The following COL12A1 variants were observed in gnomAD, a reference collection of about 807,000 sequenced individuals.
COL12A1 encodes the protein collagen type XII alpha 1 chain.
Under a neutral mutation model 349.7 loss-of-function variants are expected in COL12A1, and 114 were observed. The ratio of observed to expected loss-of-function variants is 0.33; its 90% CI spans 0.28 to 0.38. COL12A1 has a LOEUF of 0.38. Among genes scored for constraint, COL12A1 ranks in the 10% least tolerant of loss-of-function variants. The probability of loss-of-function intolerance (pLI) is 1.00; values close to 1 mark genes in which losing one functional copy is unlikely to be tolerated. For missense variants in COL12A1, 3,284 were observed against 3,756.9 expected (o/e 0.87, Z 3.29); for synonymous variants, 1,369 against 1,329.0 (o/e 1.03, Z -0.66).
chr6:75,136,692 C>T (rs1292284642), intron 31 of COL12A1, among the ~76,000 whole-genome samples: 1 of 152,140 alleles, frequency 6.6e-6, no homozygotes, highest in East Asian at 1.9e-4. Flanking sequence ...AATCAGAAAA[C>T]ATAATCATAC....
chr6:75,096,812 C>G (rs925389570), intron 59 of COL12A1, among the ~76,000 whole-genome samples: 1 of 142,112 alleles, frequency 7.0e-6, no homozygotes, highest in Non-Finnish European at 1.5e-5. Flanking sequence ...AGGAGAATGG[C>G]GTGAACCCGG....
chr6:75,130,719 G>A, intron 36 of COL12A1, 133 bp downstream of exon 36: 1 of 1,152,608 alleles, frequency 8.7e-7, no homozygotes, highest in Non-Finnish European at 1.2e-6. Context: ...TTTTCGCCTG[G>A]AATGTAAATG....
intron 37 of COL12A1, among the ~76,000 whole-genome samples, chr6:75,128,764 T>G (rs1483833053): frequency 1.3e-5 from 2 of 152,190 alleles, no homozygotes; most frequent in Non-Finnish European, 2.9e-5. Flanking sequence ...GTTTGTTTCC[T>G]TCAGATCTCA....
intron 31 of COL12A1, among the ~76,000 whole-genome samples, chr6:75,135,479 T>C (rs1766558985): frequency 6.6e-6 from 1 of 152,200 alleles, no homozygotes; most frequent in South Asian, 2.1e-4. Flanking sequence ...TTTACTCTAA[T>C]TATGGAGCTT....
rs750664708 is a variant in COL12A1 at position 75,133,339 on chromosome 6, A to T, written c.5748T>A (p.Val1916=). Reference sequence around the variant, plus strand: ...TGCGTCCCCCATCACCTTCAGTATAAACGGGAACTACAGTCACAGTGTATG... The same window carrying T: ...TGCGTCCCCCATCACCTTCAGTATATACGGGAACTACAGTCACAGTGTATG... The part of the protein sequence containing the change: ...DTSYTVTVVP[V]YTEGDGGRTS... Residue 1916 remains valine (V), a synonymous_variant, in exon 34 of 66, where the codon GTT becomes GTA. Coordinates refer to ENST00000322507, the MANE Select transcript of COL12A1 (RefSeq NM_004370.6). The T allele has an allele frequency of 1.2e-6, 2 of 1,611,896 alleles. No individual in the cohort carries two copies. Among genetic ancestry groups the T allele is most frequent in the Non-Finnish European group, 1.7e-6 (2 of 1,179,020 alleles).
chr6:75,102,556 A>T (rs781689346), intron 56 of COL12A1, 41 bp downstream of exon 56: 4 of 1,361,538 alleles, frequency 2.9e-6, no homozygotes, highest in African/African-American at 3.0e-5. Context: ...CTAAATGTTT[A>T]TCCACCACTC....
intron 51 of COL12A1, among the ~76,000 whole-genome samples, chr6:75,112,407 A>G (rs2149357097): frequency 6.6e-6 from 1 of 151,890 alleles, no homozygotes; most frequent in Non-Finnish European, 1.5e-5. Context: ...CCTAACTTCC[A>G]TTCCTAACCT....
chr6:75,164,850 AT>A (rs1388372023), intron 14 of COL12A1, among the ~76,000 whole-genome samples: 15 of 152,272 alleles, frequency 9.9e-5, no homozygotes, highest in African/African-American at 3.1e-4. Flanking sequence ...CAAAAAAAAA[AT>A]ATCAGTAAGA....
chr6:75,184,392 G>A (rs1463639071), intron 8 of COL12A1, among the ~76,000 whole-genome samples: 1 of 152,206 alleles, frequency 6.6e-6, no homozygotes. Flanking sequence ...AGAAATTAAT[G>A]TTGGGACACT....
intron 39 of COL12A1, among the ~76,000 whole-genome samples, 171 bp from the exon 40 acceptor site, chr6:75,125,444 T>C (rs781133554): frequency 4.6e-5 from 7 of 152,166 alleles, no homozygotes; most frequent in Non-Finnish European, 1.0e-4. Context: ...TATGAAACTG[T>C]AAGCAGACAC....
chr6:75,116,792 G>A (rs945259940), intron 47 of COL12A1, among the ~76,000 whole-genome samples: 3 of 152,060 alleles, frequency 2.0e-5, no homozygotes, highest in Non-Finnish European at 4.4e-5. Flanking sequence ...AGGATAAATT[G>A]CCTCCTGGTA....
At chr6:75,105,418 T>A (rs1768502060) in intron 53 of COL12A1, 126 bp from the exon 54 acceptor site, 7 of 679,672 alleles carry the variant, frequency 1.0e-5, no homozygotes, top group South Asian at 9.5e-5. Context: ...TAATTATCAT[T>A]ATGAATAGTC....
Position 75,086,557 on chromosome 6 carries a change from C to T in COL12A1, c.9182G>A (p.Gly3061Asp). Reference protein sequence around the residue: ...SIPYNGQGYPGSG With the variant: ...SIPYNGQGYPDSG Reference sequence around the variant, plus strand: ...GACTTAGAAAATGTGTTAGCCGGAACCTGAAACAGGTCAAAGATGATAGTT... The same window carrying T: ...GACTTAGAAAATGTGTTAGCCGGAATCTGAAACAGGTCAAAGATGATAGTT... The change falls in exon 66 of 66, where the codon GGT (glycine) becomes GAT (aspartate). Residue 3061 changes from glycine (G) to aspartate (D), a missense_variant and splice_region_variant. Gly to Asp is a moderately conservative substitution (Grantham distance 94). Around this residue, in one of 2 missense-constraint regions of COL12A1, gnomAD observed 683 missense variants for 932.1 expected, o/e 0.73. Transcript: ENST00000322507. 2.5e-6 allele frequency: 4 copies of T among 1,603,810 alleles called. No individual in the cohort carries two copies. Among genetic ancestry groups the T allele is most frequent in the Non-Finnish European group, 3.4e-6 (4 of 1,174,244 alleles).
chr6:75,110,961 A>G (rs942397864), intron 51 of COL12A1, among the ~76,000 whole-genome samples: 14 of 151,944 alleles, frequency 9.2e-5, no homozygotes, highest in African/African-American at 3.4e-4. Context: ...GGATGGGGGT[A>G]TTTTATACTT....
In COL12A1 at chr6:75,113,717, A is replaced by C; in HGVS notation, c.7725T>G (p.Pro2575=). ...TGAATAATAATATAATCGTGTATGA[A>C]GGAGGGAGTCCATTTGGGTGTAGGT... The part of the protein sequence containing the change: ...TADLHPNGLP[P]SYTIILLFRL... Residue 2575 remains proline, a synonymous_variant, in exon 50 of 66, where the codon CCT becomes CCG. Transcript: ENST00000322507. 6.3e-7 allele frequency: 1 copy of C among 1,598,682 alleles called. No homozygotes were observed. Among genetic ancestry groups the C allele is most frequent in the Non-Finnish European group, 8.5e-7 (1 of 1,169,898 alleles).
chr6:75,133,662 G>A (rs192837924), intron 33 of COL12A1, among the ~76,000 whole-genome samples, 196 bp downstream of exon 33: 2 of 152,128 alleles, frequency 1.3e-5, no homozygotes, highest in Non-Finnish European at 2.9e-5. Context: ...CCCTGGCCAG[G>A]GGGAAGAATC....
Position 75,090,060 on chromosome 6 carries a change from C to G in COL12A1, c.8941+50G>C. 1 of 1,598,812 alleles carries G rather than the reference C, an allele frequency of 6.3e-7. No homozygotes were observed. Among genetic ancestry groups the G allele is most frequent in the East Asian group, 2.2e-5 (1 of 44,686 alleles). ...TGCCTTCAACCTGTCCCAACTCCTA[C>G]ATTTGCAAATTCCTTCCTTTATCCC... On this transcript the variant is annotated intron_variant, in intron 63 of 65. Coordinates refer to ENST00000322507, the MANE Select transcript of COL12A1 (RefSeq NM_004370.6). This position sits in a 1 kb window ranked among gnomAD's most constrained non-coding sequence, Gnocchi z 4.1.
rs533443888 is a variant in COL12A1, at chr6:75,106,191, T to C, written c.8178+228A>G. On this transcript the variant is annotated intron_variant, in intron 53 of 65. Coordinates refer to ENST00000322507, the MANE Select transcript of COL12A1 (RefSeq NM_004370.6). The stretch of plus-strand genomic sequence containing the variant: ...AAACACATTAACTCAGCAGGACTTT[T>C]CTCTTAGGGAGAAGTCCCAGAAACA... 1.3e-4 allele frequency among the ~76,000 whole-genome samples: 20 copies of C among 152,334 alleles called. 1 individual carries two copies. The East Asian group carries it at 3.9e-3, about 29-fold the overall frequency.
At chr6:75,165,839 A>G in intron 13 of COL12A1, 60 bp from the exon 14 acceptor site, 1 of 1,481,172 alleles carries the variant, frequency 6.8e-7, no homozygotes, top group South Asian at 1.3e-5. Context: ...TTTAAGTATT[A>G]TATTCATTGA....
Sources: gnomAD v4.1 joint callset for allele counts (sites outside exome capture counted in the v4.1 genomes callset) on GRCh38, gnomAD v4.1.1 for gene constraint, gnomAD v4.1.1 regional missense constraint, Gnocchi (gnomAD v3.1) non-coding constraint, MANE v1.5 for transcripts, NCBI Gene and HGNC (gene_info 2026-07-23, HGNC 2026-07-21) for gene names.